SLC44A5: variants seen among roughly 807,000 people sequenced by gnomAD.
The protein encoded by SLC44A5 is choline transporter-like protein 5.
A neutral mutation model predicts 101.8 loss-of-function variants in SLC44A5; 57 were observed. The observed-to-expected ratio is 0.56, with a 90% CI of 0.45 to 0.70. The LOEUF is 0.70. SLC44A5 is among the 30% of genes least tolerant of loss of function. The probability of loss-of-function intolerance (pLI) is 0.00; values close to 1 mark genes in which losing one functional copy is unlikely to be tolerated. For missense variants in SLC44A5, 737 were observed against 853.1 expected, an observed-to-expected ratio of 0.86 and a Z score of 1.70; for synonymous variants, 281 against 290.9, an observed-to-expected ratio of 0.97 and a Z score of 0.35.
intron 4 of SLC44A5, among the ~76,000 whole-genome samples, chr1:75,338,427 C>T (rs1351092164): frequency 6.6e-6 from 1 of 152,182 alleles, no homozygotes; most frequent in Non-Finnish European, 1.5e-5. Context: ...ATGTGTCAGC[C>T]TATTTATTAT....
At chr1:75,633,986 T>C in the SLC44A5 span, among the ~76,000 whole-genome samples, 1 of 152,012 alleles carries the variant, frequency 6.6e-6, no homozygotes. Flanking sequence ...AATCATGTGG[T>C]TTTTGTCTTT....
chr1:75,603,753 GTTTTTTTTTT>G (rs57844833), intron 1 of SLC44A5, among the ~76,000 whole-genome samples: 1 of 54,082 alleles, frequency 1.8e-5, no homozygotes, highest in Non-Finnish European at 3.1e-5. Flanking sequence ...ATTTTTTCAT[GTTTTTTTTTT>G]TTTTTTTGCT....
At chr1:75,480,790 G>T (rs900346329) in intron 2 of SLC44A5, among the ~76,000 whole-genome samples, 1 of 152,138 alleles carries the variant, frequency 6.6e-6, no homozygotes, top group Admixed American at 6.5e-5. Context: ...CATGCTCATT[G>T]GTAGAAAGAA....
chr1:75,558,328 C>A (rs943142450), intron 1 of SLC44A5, among the ~76,000 whole-genome samples: 1 of 151,968 alleles, frequency 6.6e-6, no homozygotes, highest in Non-Finnish European at 1.5e-5. Context: ...CAAAACATTG[C>A]CAAAGATCAA....
chr1:75,234,294 T>C (rs1234984902), intron 11 of SLC44A5, among the ~76,000 whole-genome samples, 196 bp from the exon 12 acceptor site: 4 of 152,122 alleles, frequency 2.6e-5, no homozygotes, highest in Non-Finnish European at 5.9e-5. Flanking sequence ...AATAGGATCA[T>C]CAGGGACTTT....
At chr1:75,345,092 A>G (rs1317003532) in intron 3 of SLC44A5, among the ~76,000 whole-genome samples, 1 of 151,898 alleles carries the variant, frequency 6.6e-6, no homozygotes, top group East Asian at 1.9e-4. Flanking sequence ...TAAAGGATCA[A>G]TCTTGGCAGT....
intron 1 of SLC44A5, among the ~76,000 whole-genome samples, chr1:75,608,966 T>C (rs1016681861): frequency 3.3e-5 from 5 of 151,974 alleles, no homozygotes; most frequent in Admixed American, 1.3e-4. Context: ...TATTCATTGT[T>C]TGTCTTCCCT....
chr1:75,384,932 C>T lies in SLC44A5; in HGVS notation c.52+11651G>A, dbSNP rs1212372474. 4.0e-5 allele frequency among the ~76,000 whole-genome samples: 6 copies of T among 150,928 alleles called. No homozygotes were observed. The South Asian group carries it at 1.0e-3, about 26-fold the overall frequency. ...TCAAAACCACTCAACTACATGGAAA[C>T]TGAACAACCTGCTCCTGAATGACTA... On this transcript the variant is annotated intron_variant, in intron 3 of 23. Coordinates refer to ENST00000370859, the MANE Select transcript of SLC44A5 (RefSeq NM_001130058.2).
At chr1:75,254,918 A>AT (rs1649889429) in intron 6 of SLC44A5, among the ~76,000 whole-genome samples, 1 of 152,152 alleles carries the variant, frequency 6.6e-6, no homozygotes, top group African/African-American at 2.4e-5. Flanking sequence ...TGCAAAAAAA[A>AT]ATCTCATAAT....
chr1:75,660,248 G>A, the SLC44A5 span, among the ~76,000 whole-genome samples: 3 of 152,148 alleles, frequency 2.0e-5, no homozygotes, highest in East Asian at 5.8e-4. Flanking sequence ...GATCATTTCA[G>A]TACATTCCAA....
chr1:75,474,009 T>C lies in SLC44A5; in HGVS notation c.13+67426A>G, dbSNP rs557564340. On this transcript the variant is annotated intron_variant, in intron 2 of 23. Transcript: ENST00000370859. ...GACATATAGACATAACATTGTTTTA[T>C]GCCTGTAGACTTGCTTTGTTTCTTC... 2.2e-4 allele frequency among the ~76,000 whole-genome samples: 34 copies of C among 152,328 alleles called. No individual in the cohort carries two copies. The South Asian group carries it at 6.4e-3, about 29-fold the overall frequency.
intron 1 of SLC44A5, among the ~76,000 whole-genome samples, chr1:75,597,664 C>T (rs1056172994): frequency 3.3e-5 from 5 of 152,180 alleles, no homozygotes; most frequent in African/African-American, 9.6e-5. Context: ...ACTGTCTGAT[C>T]TTCAGCAAAC....
the SLC44A5 span, among the ~76,000 whole-genome samples, chr1:75,710,830 C>G: frequency 6.6e-6 from 1 of 152,126 alleles, no homozygotes; most frequent in African/African-American, 2.4e-5. Flanking sequence ...AAGTATAATA[C>G]GGTCTAGTGA....
the SLC44A5 span, among the ~76,000 whole-genome samples, chr1:75,668,401 T>G: frequency 1.5e-5 from 2 of 129,802 alleles, no homozygotes; most frequent in African/African-American, 5.9e-5. Context: ...ACGGCTCACA[T>G]GCAACCTCGA....
intron 2 of SLC44A5, among the ~76,000 whole-genome samples, chr1:75,422,327 G>A (rs889888388): frequency 6.6e-6 from 1 of 152,258 alleles, no homozygotes; most frequent in Admixed American, 6.5e-5. Context: ...ATAGGAGGCC[G>A]GAAGAGACTC....
Position 75,258,304 on chromosome 1 carries a change from C to T in SLC44A5, c.261-7010G>A, listed in dbSNP as rs148331530. 5.5e-3 allele frequency among the ~76,000 whole-genome samples: 832 copies of T among 152,216 alleles called. 11 individuals are homozygous for T. Among genetic ancestry groups the T allele is most frequent in the African/African-American group, 0.019 (804 of 41,500 alleles). On this transcript the variant is annotated intron_variant, in intron 6 of 23. Transcript: ENST00000370859. ...AAGATCCACTGGCTTGAAACTCTCA[C>T]TTTGAGCACAGCAGTCTGAGCTCGA... is the stretch of plus-strand genomic sequence containing the variant.
At chr1:75,481,437 C>A (rs940877275) in intron 2 of SLC44A5, among the ~76,000 whole-genome samples, 4 of 151,718 alleles carry the variant, frequency 2.6e-5, no homozygotes, top group African/African-American at 9.7e-5. Context: ...TTCTGCACAG[C>A]AAAAGAAACT....
chr1:75,592,053 T>C (rs943888532), intron 1 of SLC44A5, among the ~76,000 whole-genome samples: 2 of 152,090 alleles, frequency 1.3e-5, no homozygotes, highest in African/African-American at 4.8e-5. Context: ...GAGAAAAATA[T>C]AAAGGGCATC....
intron 2 of SLC44A5, among the ~76,000 whole-genome samples, chr1:75,499,750 C>T (rs1270510853): frequency 6.6e-6 from 1 of 152,178 alleles, no homozygotes; most frequent in Non-Finnish European, 1.5e-5. Context: ...TGTGAACACA[C>T]TCAGTTCTTT....
Sources: allele counts gnomAD v4.1 joint callset (sites outside exome capture counted in the v4.1 genomes callset), GRCh38; gene constraint gnomAD v4.1.1; transcripts MANE v1.5; gene names NCBI Gene and HGNC (gene_info 2026-07-23, HGNC 2026-07-21).